Variants in OXNAD1 observed in about 807,000 individuals in gnomAD.
The protein encoded by OXNAD1 is oxidoreductase NAD binding domain containing 1, also known as oxidoreductase NAD-binding domain-containing protein 1.
Under a neutral mutation model 32.9 loss-of-function variants are expected in OXNAD1, and 34 were observed. The observed-to-expected ratio is 1.03, with a 90% CI of 0.79 to 1.38. The LOEUF (loss-of-function observed/expected upper bound fraction) is 1.38, where lower values mean the gene tolerates loss of function less well. Ranked by LOEUF, OXNAD1 falls within the 40% of genes most tolerant of loss-of-function variation. The pLI is 0.00. For synonymous variants in OXNAD1, 134 were observed against 135.2 expected (o/e 0.99, Z 0.06); for missense variants, 407 against 379.4 (o/e 1.07, Z -0.60).
rs1008634438 is a variant in OXNAD1 at position 16,316,255 on chromosome 3, G to T, written c.*30+12663G>T. 2 of 161,360 alleles carry T rather than the reference G, an allele frequency of 1.2e-5. No individual in the cohort carries two copies. Among genetic ancestry groups the T allele is most frequent in the Non-Finnish European group, 2.7e-5 (2 of 74,768 alleles). 10.0% of individuals were successfully genotyped at this position (161,360 alleles called of 1,614,324 possible). On this transcript the variant is annotated intron_variant, in intron 9 of 9. Coordinates refer to the OXNAD1 transcript ENST00000435829. The surrounding 1 kb of genome is among the most constrained non-coding windows in gnomAD (Gnocchi z 4.5). Reference sequence around the variant, plus strand: ...CATTTCCAGATTACCAGTATCTATAGGACTATTTTGAGAAAAGCTGGGAGG... The same window carrying T: ...CATTTCCAGATTACCAGTATCTATATGACTATTTTGAGAAAAGCTGGGAGG...
Position 16,336,663 on chromosome 3 carries a change from A to T in OXNAD1, c.*31-449A>T, listed in dbSNP as rs866953819. On this transcript the variant is annotated intron_variant, in intron 9 of 9. Transcript: ENST00000435829. The surrounding 1 kb of genome is among the most constrained non-coding windows in gnomAD (Gnocchi z 6.0). ...GCTTTCATAATGTTCAAAGAGAATAATTTTTTTTTTTTAAAAAAGCTTAGT... is the reference window on the plus strand; with the variant it reads ...GCTTTCATAATGTTCAAAGAGAATATTTTTTTTTTTTTAAAAAAGCTTAGT... 5.3e-5 allele frequency among the ~76,000 whole-genome samples: 8 copies of T among 149,588 alleles called. No homozygotes were observed. The highest frequency in any genetic ancestry group is 1.0e-4 in the Non-Finnish European group (7 of 67,218).
chr3:16,265,862 G>C lies in OXNAD1; in HGVS notation c.-159+357G>C, dbSNP rs2064455813. On this transcript the variant is annotated intron_variant, in intron 1 of 8. Coordinates refer to ENST00000285083, the MANE Select transcript of OXNAD1 (RefSeq NM_138381.5). The surrounding 1 kb of genome is among the most constrained non-coding windows in gnomAD (Gnocchi z 4.8). ...AAGCCCAGGAACAAATTACTTATGT[G>C]AGTACCAGTTTTTTCGTTGTGAAAG... 2 of 985,236 alleles carry C rather than the reference G, an allele frequency of 2.0e-6. No homozygotes were observed. Among genetic ancestry groups the C allele is most frequent in the South Asian group, 9.4e-5 (2 of 21,286 alleles). The allele number at this position is 985,236 out of a possible 1,614,324, so 61.0% of individuals were successfully genotyped here.
chr3:16,269,427 C>T (rs545509387), intron 2 of OXNAD1, among the ~76,000 whole-genome samples, 152 bp downstream of exon 2: 2 of 152,294 alleles, frequency 1.3e-5, no homozygotes, highest in South Asian at 4.1e-4. Context: ...AAGTAGCATG[C>T]TTATCCGCAA....
In OXNAD1 at chr3:16,270,982, G is replaced by T. The variant is rs202091412; in HGVS notation, c.30G>T (p.Gly10=). The change falls in exon 3 of 9, where the codon GGG becomes GGT. Residue 10 remains glycine (G), a synonymous_variant. Transcript: ENST00000285083. MACAAVMIP[G]LLRCSVGAIR... ...CCTGTGCTGCTGTTATGATTCCTGG[G>T]TTGTTGCGGTGCTCTGTTGGAGCCA... 9.9e-6 allele frequency: 16 copies of T among 1,614,092 alleles called. No individual in the cohort carries two copies. The highest frequency in any genetic ancestry group is 1.4e-5 in the Non-Finnish European group (16 of 1,180,038).
In OXNAD1 at chr3:16,331,233, A is replaced by G. The variant is rs552613610; in HGVS notation, c.*31-5879A>G. Among the ~76,000 whole-genome samples, 9 of 152,328 alleles carry G rather than the reference A, an allele frequency of 5.9e-5. No individual in the cohort carries two copies. In the South Asian group the frequency reaches 1.2e-3, roughly 21 times the overall value. On this transcript the variant is annotated intron_variant, in intron 9 of 9. Coordinates refer to the OXNAD1 transcript ENST00000435829. ...CTGTGTCTTTTGTAAAATTGCTACCAAAACACTAGTGCCCACAAATTACTG... is the reference window on the plus strand; with the variant it reads ...CTGTGTCTTTTGTAAAATTGCTACCGAAACACTAGTGCCCACAAATTACTG...
At chr3:16,347,155 A>G (rs967256957) in intron 9 of OXNAD1, among the ~76,000 whole-genome samples, 6 of 152,072 alleles carry the variant, frequency 3.9e-5, no homozygotes, top group Non-Finnish European at 8.8e-5. Context: ...AAATCCCACT[A>G]TGGCTCCCTT....
intron 1 of OXNAD1, among the ~76,000 whole-genome samples, chr3:16,266,803 C>G (rs1353978361): frequency 6.6e-6 from 1 of 152,070 alleles, no homozygotes; most frequent in African/African-American, 2.4e-5. Flanking sequence ...TTGCCAGGTA[C>G]TTTGGTAGAC....
Position 16,287,307 on chromosome 3 carries a change from TAGAA to T in OXNAD1, c.290+860_290+863del, listed in dbSNP as rs565997747. ...AGTCCATCTGGAAATGTGGTTTTGT[TAGAA>T]GGAGGATGTGTGATAATAGCAAGTG... On this transcript the variant is annotated intron_variant, in intron 5 of 8. Coordinates refer to ENST00000285083, the MANE Select transcript of OXNAD1 (RefSeq NM_138381.5). This position sits in a 1 kb window ranked among gnomAD's most constrained non-coding sequence, Gnocchi z 4.8. Among the ~76,000 whole-genome samples, 11 of 152,320 alleles carry T rather than the reference TAGAA, an allele frequency of 7.2e-5. No individual in the cohort carries two copies. In the East Asian group the frequency reaches 1.7e-3, roughly 24 times the overall value.
chr3:16,331,973 G>C (rs1273998279), intron 9 of OXNAD1, among the ~76,000 whole-genome samples: 1 of 152,196 alleles, frequency 6.6e-6, no homozygotes, highest in Non-Finnish European at 1.5e-5. Flanking sequence ...ATGCTATTGA[G>C]ATAATCTATT....
In OXNAD1 at chr3:16,301,720, C is replaced by T; in HGVS notation, c.527C>T (p.Ala176Val). The T allele has an allele frequency of 6.2e-7, 1 of 1,614,030 alleles. No individual in the cohort carries two copies. ...ADASRNLVLI[A>V]GGVGINPLLS... The stretch of plus-strand genomic sequence containing the variant: ...GCCTCTAGAAACCTCGTGTTGATTG[C>T]AGGAGGAGTCGGAATTAACCCTCTG... Residue 176 changes from alanine (A) to valine (V), a missense_variant, in exon 7 of 9, where the codon GCA (alanine) becomes GTA (valine). Transcript: ENST00000285083. This position sits in a 1 kb window ranked among gnomAD's most constrained non-coding sequence, Gnocchi z 4.1.
In OXNAD1 at chr3:16,312,914, ATAATT is replaced by A. The variant is rs1366336119; in HGVS notation, c.*30+9326_*30+9330del. On this transcript the variant is annotated intron_variant, in intron 9 of 9. Transcript: ENST00000435829. The surrounding 1 kb of genome is among the most constrained non-coding windows in gnomAD (Gnocchi z 4.7). ...TTTGTTACTTATAAACCATTGATAA[ATAATT>A]TAAGACTTTATAAATATTATTACAG... is the stretch of plus-strand genomic sequence containing the variant. Among the ~76,000 whole-genome samples the A allele has an allele frequency of 6.6e-6, 1 of 152,236 alleles. No homozygotes were observed. Among genetic ancestry groups the A allele is most frequent in the Non-Finnish European group, 1.5e-5 (1 of 68,044 alleles).
At chr3:16,309,278 C>T (rs2067789025), downstream of OXNAD1, among the ~76,000 whole-genome samples, 1 of 152,140 alleles carries the variant, frequency 6.6e-6, no homozygotes, top group African/African-American at 2.4e-5. Context: ...AATTTTTCTG[C>T]ACATACTCCT....
chr3:16,309,132 T>C (rs2067777249), downstream of OXNAD1, among the ~76,000 whole-genome samples: 1 of 152,224 alleles, frequency 6.6e-6, no homozygotes, highest in South Asian at 2.1e-4. Flanking sequence ...TATACAACTA[T>C]GTCTCTCTTT....
chr3:16,309,126 CA>C (rs2067776709), downstream of OXNAD1, among the ~76,000 whole-genome samples: 1 of 152,152 alleles, frequency 6.6e-6, no homozygotes, highest in African/African-American at 2.4e-5. Flanking sequence ...GGTACCTATA[CA>C]ACTATGTCTC....
chr3:16,265,899 G>T lies in OXNAD1; in HGVS notation c.-159+394G>T, dbSNP rs1467829215. 1 of 985,278 alleles carries T rather than the reference G, an allele frequency of 1.0e-6. No homozygotes were observed. The highest frequency in any genetic ancestry group is 1.2e-6 in the Non-Finnish European group (1 of 829,762). 61.0% of individuals were successfully genotyped at this position (985,278 alleles called of 1,614,324 possible). ...TTTCGTTGTGAAAGAAATGGTGTCA[G>T]TAGGCAGGTTTATCAGTGTGAGGCC... On this transcript the variant is annotated intron_variant, in intron 1 of 8. Coordinates refer to ENST00000285083, the MANE Select transcript of OXNAD1 (RefSeq NM_138381.5). This position sits in a 1 kb window ranked among gnomAD's most constrained non-coding sequence, Gnocchi z 4.8.
Position 16,301,503 on chromosome 3 carries a change from A to G in OXNAD1, c.433-123A>G, listed in dbSNP as rs2067178930. The G allele has an allele frequency of 8.4e-7, 1 of 1,194,068 alleles. No individual in the cohort carries two copies. Among genetic ancestry groups the G allele is most frequent in the African/African-American group, 1.6e-5 (1 of 64,344 alleles). 74.0% of individuals were successfully genotyped at this position (1,194,068 alleles called of 1,614,324 possible). A position where few individuals can be genotyped will look rare whatever the true frequency, so the allele number is the denominator to read the frequency against. On this transcript the variant is annotated intron_variant, in intron 6 of 8. Transcript: ENST00000285083. The surrounding 1 kb of genome is among the most constrained non-coding windows in gnomAD (Gnocchi z 4.1). ...ACAGGGCATCGGGAAAATTGGGAGC[A>G]AGCTATAAAAATAGTCTTAAATACT...
chr3:16,294,878 G>A lies in OXNAD1; in HGVS notation c.313G>A (p.Val105Ile). ...TAGGGTTGATTTCTTTATTCCAGGA[G>A]TCTCTGTGGTTGGTGGGTTTTCAAT... ...GQWVDFFIPGVSVVGGFSICS... is the reference protein window; with the variant it reads ...GQWVDFFIPGISVVGGFSICS... Residue 105 changes from valine to isoleucine, a missense_variant, in exon 6 of 9, where the codon GTC becomes ATC. Transcript: ENST00000285083. 6.2e-7 allele frequency: 1 copy of A among 1,612,426 alleles called. No homozygotes were observed. The highest frequency in any genetic ancestry group is 8.5e-7 in the Non-Finnish European group (1 of 1,179,260).
rs2066154682 is a variant in OXNAD1, at chr3:16,287,532, G to A, written c.290+1084G>A. Reference sequence around the variant, plus strand: ...GCAACATATTTACCCTTCAAAAATGGTTTAGCAGTCATTATATTGAAAAGT... The same window carrying A: ...GCAACATATTTACCCTTCAAAAATGATTTAGCAGTCATTATATTGAAAAGT... On this transcript the variant is annotated intron_variant, in intron 5 of 8. Coordinates refer to ENST00000285083, the MANE Select transcript of OXNAD1 (RefSeq NM_138381.5). This position sits in a 1 kb window ranked among gnomAD's most constrained non-coding sequence, Gnocchi z 4.8. Among the ~76,000 whole-genome samples, 1 of 152,158 alleles carries A rather than the reference G, an allele frequency of 6.6e-6. No individual in the cohort carries two copies. The highest frequency in any genetic ancestry group is 2.1e-4 in the South Asian group (1 of 4,830).
At chr3:16,308,220 T>G (rs925373657), downstream of OXNAD1, among the ~76,000 whole-genome samples, 1 of 152,210 alleles carries the variant, frequency 6.6e-6, no homozygotes, top group African/African-American at 2.4e-5. The surrounding 1 kb of genome is among the most constrained non-coding windows in gnomAD (Gnocchi z 4.4). Flanking sequence ...GTGGAAATGC[T>G]CTGGGGCAAC....
Sources: allele counts gnomAD v4.1 joint callset (sites outside exome capture counted in the v4.1 genomes callset), GRCh38; gene constraint gnomAD v4.1.1; non-coding constraint Gnocchi (gnomAD v3.1); transcripts MANE v1.5; gene names NCBI Gene and HGNC (gene_info 2026-07-23, HGNC 2026-07-21).